RNGTT: variants seen among roughly 807,000 people sequenced by gnomAD.
RNGTT encodes the protein mRNA-capping enzyme.
In RNGTT, 33 loss-of-function variants were observed where a neutral mutation model predicts 79.3. The ratio of observed to expected loss-of-function variants is 0.42; its 90% CI spans 0.32 to 0.56. The LOEUF is 0.56. Ranked by LOEUF, RNGTT falls within the 20% of genes least tolerant of loss-of-function variation. RNGTT has a pLI of 0.17. For missense variants in RNGTT, 497 were observed against 739.1 expected, an observed-to-expected ratio of 0.67 and a Z score of 3.80; for synonymous variants, 222 against 235.9, an observed-to-expected ratio of 0.94 and a Z score of 0.54.
chr6:88,695,667 G>C (rs1775637246), intron 13 of RNGTT, among the ~76,000 whole-genome samples: 1 of 152,140 alleles, frequency 6.6e-6, no homozygotes, highest in Non-Finnish European at 1.5e-5. Context: ...TAAAGGATTT[G>C]AAATCAGTAT....
chr6:88,932,173 A>AG (rs756398450), intron 2 of RNGTT, among the ~76,000 whole-genome samples: 15 of 152,150 alleles, frequency 9.9e-5, no homozygotes, highest in Non-Finnish European at 8.8e-5. Flanking sequence ...TGGCCGCTCT[A>AG]GGAGGGTCTG....
At chr6:88,744,047 C>T (rs1461667938) in intron 13 of RNGTT, among the ~76,000 whole-genome samples, 1 of 152,058 alleles carries the variant, frequency 6.6e-6, no homozygotes, top group Non-Finnish European at 1.5e-5. Flanking sequence ...AATAAAAATA[C>T]CATATTTAAG....
Position 88,904,695 on chromosome 6 carries a change from A to G in RNGTT, c.684+20T>C, listed in dbSNP as rs767533458. 14 of 1,576,666 alleles carry G rather than the reference A, an allele frequency of 8.9e-6. No individual in the cohort carries two copies. In the East Asian group the frequency reaches 1.6e-4, roughly 18 times the overall value. On this transcript the variant is annotated intron_variant, in intron 6 of 15. Transcript: ENST00000369485. ...AGAAAAAGGAAAAAAAAAACCTATT[A>G]TAATATTTTTAAACATTACCAGTTT...
chr6:88,631,644 T>C (rs1261602777), intron 14 of RNGTT, among the ~76,000 whole-genome samples: 1 of 150,814 alleles, frequency 6.6e-6, no homozygotes, highest in African/African-American at 2.4e-5. Flanking sequence ...TTCTCAACTC[T>C]ACATTTTTTT....
At position 88,612,584 on chromosome 6, in the gene RNGTT, CT is replaced by C. The variant is rs561874808; in HGVS notation, c.*134del. The C allele has an allele frequency of 1.0e-6, 1 of 998,706 alleles. No homozygotes were observed. Among genetic ancestry groups the C allele is most frequent in the Non-Finnish European group, 1.5e-6 (1 of 666,886 alleles). 61.9% of individuals were successfully genotyped at this position (998,706 alleles called of 1,614,324 possible). A position where few individuals can be genotyped will look rare whatever the true frequency, so the allele number is the denominator to read the frequency against. Reference sequence around the variant, plus strand: ...TTTACAGGCTGGCTACGATAACTTTCTTTTTTTAAAAAAAATTCAAATGTGT... The same window carrying C: ...TTTACAGGCTGGCTACGATAACTTTCTTTTTTAAAAAAAATTCAAATGTGT... On this transcript the variant is annotated 3_prime_UTR_variant, in exon 16 of 16. Transcript: ENST00000369485.
intron 12 of RNGTT, among the ~76,000 whole-genome samples, chr6:88,783,526 T>C (rs557657259): frequency 6.6e-6 from 1 of 152,252 alleles, no homozygotes; most frequent in East Asian, 1.9e-4. Flanking sequence ...CCTAAATACA[T>C]ACAATTTCTA....
chr6:88,956,247 A>G (rs1785428203), intron 1 of RNGTT, among the ~76,000 whole-genome samples: 1 of 151,990 alleles, frequency 6.6e-6, no homozygotes, highest in Non-Finnish European at 1.5e-5. Flanking sequence ...TAGAAAATCT[A>G]GAGGAGATGG....
chr6:88,865,693 G>A (rs1282521353), intron 8 of RNGTT, among the ~76,000 whole-genome samples: 1 of 152,068 alleles, frequency 6.6e-6, no homozygotes, highest in Admixed American at 6.6e-5. Flanking sequence ...TTAAAAACTT[G>A]AATCAGGTAG....
chr6:88,770,189 G>C (rs1485112512), intron 12 of RNGTT, among the ~76,000 whole-genome samples: 1 of 151,954 alleles, frequency 6.6e-6, no homozygotes, highest in Non-Finnish European at 1.5e-5. Context: ...CAGCTTTATG[G>C]AGGGATAATT....
In RNGTT at chr6:88,698,248, AAT is replaced by A. The variant is rs531664825; in HGVS notation, c.1440-19831_1440-19830del. On this transcript the variant is annotated intron_variant, in intron 13 of 15. Transcript: ENST00000369485. Reference sequence around the variant, plus strand: ...ATATATATATGAAATATATATATGAAATATATATATAAATATATATGATATAT... The same window carrying A: ...ATATATATATGAAATATATATATGAAATATATATAAATATATATGATATAT... Among the ~76,000 whole-genome samples, 188 of 84,436 alleles carry A rather than the reference AAT, an allele frequency of 2.2e-3. 39 individuals are homozygous for A. The highest frequency in any genetic ancestry group is 0.019 in the African/African-American group (154 of 8,000). 55.4% of individuals were successfully genotyped at this position (84,436 alleles called of 152,430 possible). A position where few individuals can be genotyped will look rare whatever the true frequency, so the allele number is the denominator to read the frequency against.
intron 8 of RNGTT, among the ~76,000 whole-genome samples, chr6:88,857,172 A>C: frequency 6.6e-6 from 1 of 152,120 alleles, no homozygotes. Context: ...TAAGTAAAAC[A>C]ACCAAATATA....
At chr6:88,812,886 T>A (rs1467476844) in intron 11 of RNGTT, among the ~76,000 whole-genome samples, 1 of 152,206 alleles carries the variant, frequency 6.6e-6, no homozygotes, top group African/African-American at 2.4e-5. Flanking sequence ...TTTTCATCTA[T>A]CATTTAAGGA....
chr6:88,880,031 C>T (rs988127133), intron 8 of RNGTT, among the ~76,000 whole-genome samples: 2 of 152,152 alleles, frequency 1.3e-5, no homozygotes, highest in African/African-American at 4.8e-5. Context: ...TTTACTACTA[C>T]GTCCTTCACA....
intron 14 of RNGTT, among the ~76,000 whole-genome samples, chr6:88,669,079 G>C (rs866004279): frequency 6.6e-6 from 1 of 152,094 alleles, no homozygotes; most frequent in African/African-American, 2.4e-5. Context: ...TAACCCCCAG[G>C]ATCCCCACTG....
intron 11 of RNGTT, among the ~76,000 whole-genome samples, chr6:88,837,803 T>C (rs192710445): frequency 1.3e-5 from 2 of 152,242 alleles, no homozygotes; most frequent in East Asian, 3.9e-4. Flanking sequence ...GCATACTTGT[T>C]TCACCTGATA....
chr6:88,691,960 A>T (rs1351252608), intron 13 of RNGTT, among the ~76,000 whole-genome samples: 1 of 152,180 alleles, frequency 6.6e-6, no homozygotes, highest in African/African-American at 2.4e-5. Flanking sequence ...AGAACTGCAT[A>T]AACATAATAT....
intron 11 of RNGTT, among the ~76,000 whole-genome samples, chr6:88,827,200 C>T (rs1436325003): frequency 6.6e-6 from 1 of 152,020 alleles, no homozygotes; most frequent in Admixed American, 6.5e-5. Flanking sequence ...TGGCTCATCT[C>T]GTTGGGATTG....
intron 13 of RNGTT, among the ~76,000 whole-genome samples, chr6:88,715,636 C>G (rs1008362722): frequency 3.3e-5 from 5 of 152,070 alleles, no homozygotes; most frequent in Admixed American, 1.3e-4. Context: ...CAATGGAACA[C>G]AACAGAGCCC....
At position 88,917,206 on chromosome 6, in the gene RNGTT, A is replaced by T. The variant is rs1412886240; in HGVS notation, c.368-10766T>A. On this transcript the variant is annotated intron_variant, in intron 4 of 15. Transcript: ENST00000369485. ...CACCACAAAACATGCTACTTTTAAA[A>T]TTTTTTTGAAAACAACTATCAATTG... Among the ~76,000 whole-genome samples the T allele has an allele frequency of 2.0e-5, 3 of 152,180 alleles. No individual in the cohort carries two copies. The East Asian group carries it at 5.8e-4, about 29-fold the overall frequency.
Sources: allele counts gnomAD v4.1 joint callset (sites outside exome capture counted in the v4.1 genomes callset), GRCh38; gene constraint gnomAD v4.1.1; transcripts MANE v1.5; gene names NCBI Gene and HGNC (gene_info 2026-07-23, HGNC 2026-07-21).